The following CC2D2A variants were observed in gnomAD, a reference collection of about 807,000 sequenced individuals.
CC2D2A encodes coiled-coil and C2 domain containing 2A.
CC2D2A carries 155 observed loss-of-function variants against 212.9 expected under a neutral mutation model. The observed-to-expected ratio is 0.73, with a 90% CI of 0.64 to 0.83. The LOEUF is 0.83. CC2D2A is among the 40% of genes least tolerant of loss of function. The probability of loss-of-function intolerance (pLI) is 0.00; values close to 1 mark genes in which losing one functional copy is unlikely to be tolerated. For synonymous variants in CC2D2A, 667 were observed against 686.5 expected (o/e 0.97, Z 0.44); for missense variants, 1,856 against 1,956.2 (o/e 0.95, Z 0.97).
At position 15,540,874 on chromosome 4, in the gene CC2D2A, T is replaced by A. The variant is rs769428879; in HGVS notation, c.2041T>A (p.Ser681Thr). The A allele has an allele frequency of 1.9e-6, 3 of 1,599,474 alleles. No homozygotes were observed. The highest frequency in any genetic ancestry group is 1.7e-5 in the Admixed American group (1 of 58,138). ...GAGAAGGGAGGATGTAAAGAAGCGC[T>A]CAGTGTACTTAAAAGTGCTGTTCAA... ...VSRREDVKKRSVYLKVLFNNK... is the reference protein window; with the variant it reads ...VSRREDVKKRTVYLKVLFNNK... Residue 681 changes from serine (S) to threonine (T), a missense_variant, in exon 17 of 37, where the codon TCA (serine) becomes ACA (threonine). Ser to Thr is a moderately conservative substitution (Grantham distance 58, BLOSUM62 1). Around this residue, in one of 5 missense-constraint regions of CC2D2A, gnomAD observed 1,512 missense variants for 1,579.3 expected, o/e 0.96. Transcript: ENST00000424120.
chr4:15,595,482 TTA>T (rs767267153), intron 33 of CC2D2A, among the ~76,000 whole-genome samples: 9 of 152,098 alleles, frequency 5.9e-5, no homozygotes, highest in Non-Finnish European at 1.2e-4. Flanking sequence ...GAGGTACAGA[TTA>T]ATTAACTCAC....
chr4:15,538,224 G>A (rs1560171942), intron 16 of CC2D2A, 87 bp downstream of exon 16: 2 of 1,360,972 alleles, frequency 1.5e-6, no homozygotes, highest in South Asian at 3.2e-5. Flanking sequence ...CACGACATGG[G>A]GAGTGTACAC....
chr4:15,554,551 C>G (rs1719180928), intron 19 of CC2D2A, among the ~76,000 whole-genome samples: 1 of 152,216 alleles, frequency 6.6e-6, no homozygotes, highest in South Asian at 2.1e-4. Flanking sequence ...TGGCGCATGC[C>G]TGCAATCCCA....
rs1577379808 is a variant in CC2D2A at position 15,563,779 on chromosome 4, G to C, written c.3182+257G>C. ...TAGCTGAATTACAAGGGAGACTGCA[G>C]GGATAAGATAGTTCTCCTGAGGCCC... is the stretch of plus-strand genomic sequence containing the variant. On this transcript the variant is annotated intron_variant, in intron 24 of 36. Coordinates refer to ENST00000424120, the MANE Select transcript of CC2D2A (RefSeq NM_001378615.1). The C allele has an allele frequency of 9.3e-6, 4 of 428,850 alleles. No individual in the cohort carries two copies. In the East Asian group the frequency reaches 1.6e-4, roughly 17 times the overall value. The allele number at this position is 428,850 out of a possible 1,614,324, so 26.6% of individuals were successfully genotyped here.
chr4:15,586,089 T>A, intron 30 of CC2D2A, 68 bp from the exon 31 acceptor site: 10 of 1,027,998 alleles, frequency 9.7e-6, no homozygotes, highest in Non-Finnish European at 1.5e-5. Context: ...ATTTAAGAAA[T>A]GAGGTAGGGG....
chr4:15,528,938 G>T (rs957785969), intron 13 of CC2D2A, among the ~76,000 whole-genome samples: 5 of 152,218 alleles, frequency 3.3e-5, no homozygotes, highest in Admixed American at 6.5e-5. Context: ...GCAGGTGTAA[G>T]GGAAAAGTGC....
At chr4:15,510,417 G>A (rs757878056) in intron 7 of CC2D2A, among the ~76,000 whole-genome samples, 177 bp downstream of exon 7, 3 of 152,040 alleles carry the variant, frequency 2.0e-5, no homozygotes, top group Admixed American at 6.6e-5. Context: ...ACAACATGGC[G>A]AAACCCCATC....
intron 17 of CC2D2A, among the ~76,000 whole-genome samples, chr4:15,544,715 C>T (rs1238930597): frequency 1.3e-5 from 2 of 152,214 alleles, no homozygotes; most frequent in South Asian, 4.1e-4. Flanking sequence ...TCCCACAGCA[C>T]ACCAGTATTT....
Position 15,475,902 on chromosome 4 carries a change from T to C in CC2D2A, c.-18-13T>C. ...ATTTCAAAATGCCTGACTTCTTCAT[T>C]GTTCTTTGTCAGGGACCCATCCCAG... On this transcript the variant is annotated splice_polypyrimidine_tract_variant and intron_variant, in intron 1 of 36. Transcript: ENST00000424120. 6.4e-7 allele frequency: 1 copy of C among 1,566,930 alleles called. No homozygotes were observed. Among genetic ancestry groups the C allele is most frequent in the Non-Finnish European group, 8.7e-7 (1 of 1,152,724 alleles).
intron 20 of CC2D2A, among the ~76,000 whole-genome samples, chr4:15,556,009 T>A (rs1259271920): frequency 6.6e-6 from 1 of 152,244 alleles, no homozygotes; most frequent in Non-Finnish European, 1.5e-5. Context: ...TTTGTTTTCT[T>A]GTTGTTGATT....
chr4:15,560,738 C>A, intron 23 of CC2D2A, 116 bp downstream of exon 23: 1 of 551,050 alleles, frequency 1.8e-6, no homozygotes, highest in Admixed American at 3.7e-5. Flanking sequence ...TGCATTTGGG[C>A]CAGGAATAAT....
Position 15,596,337 on chromosome 4 carries a change from C to A in CC2D2A, c.4437+130C>A, listed in dbSNP as rs931714559. On this transcript the variant is annotated intron_variant, in intron 34 of 36. Coordinates refer to ENST00000424120, the MANE Select transcript of CC2D2A (RefSeq NM_001378615.1). Reference sequence around the variant, plus strand: ...GTTTATCAAACGCATCTGAGCTCAACTCACAACAAGAAACAGATATATACG... The same window carrying A: ...GTTTATCAAACGCATCTGAGCTCAAATCACAACAAGAAACAGATATATACG... The A allele has an allele frequency of 1.5e-4, 112 of 723,070 alleles. No homozygotes were observed. In the East Asian group the frequency reaches 3.4e-3, roughly 22 times the overall value. The allele number at this position is 723,070 out of a possible 1,614,324, so 44.8% of individuals were successfully genotyped here.
At chr4:15,557,246 GT>G in intron 20 of CC2D2A, 57 bp from the exon 21 acceptor site, 30 of 1,246,154 alleles carry the variant, frequency 2.4e-5, no homozygotes, top group Non-Finnish European at 3.4e-5. Flanking sequence ...TCAGTGCCAA[GT>G]TTCTTTGGAT....
intron 4 of CC2D2A, among the ~76,000 whole-genome samples, chr4:15,494,564 ATAAAAAT>A (rs1415985976): frequency 1.3e-5 from 2 of 152,236 alleles, no homozygotes; most frequent in Admixed American, 6.5e-5. Flanking sequence ...AGTCTATTTC[ATAAAAAT>A]TAGAAAATCA....
intron 29 of CC2D2A, among the ~76,000 whole-genome samples, chr4:15,579,359 C>T (rs1386485936): frequency 6.6e-6 from 1 of 151,886 alleles, no homozygotes; most frequent in African/African-American, 2.4e-5. Flanking sequence ...ATTGTTTGCT[C>T]ATCTTGGCTC....
At chr4:15,576,415 G>C in intron 29 of CC2D2A, 1 of 978,498 alleles carries the variant, frequency 1.0e-6, no homozygotes, top group Non-Finnish European at 1.2e-6. Flanking sequence ...ATGCCATATG[G>C]AACCATTCCA....
intron 4 of CC2D2A, among the ~76,000 whole-genome samples, chr4:15,488,295 T>C (rs1357093708): frequency 1.3e-5 from 2 of 152,202 alleles, no homozygotes; most frequent in African/African-American, 2.4e-5. Flanking sequence ...TCTTTATTTC[T>C]CCTTCATGTT....
chr4:15,572,298 G>A (rs1302634804), intron 28 of CC2D2A, among the ~76,000 whole-genome samples: 2 of 152,172 alleles, frequency 1.3e-5, no homozygotes, highest in Admixed American at 6.5e-5. Flanking sequence ...TACAATAGAG[G>A]TGGGATTCAA....
Position 15,567,634 on chromosome 4 carries a change from T to G in CC2D2A, c.3289-43T>G, listed in dbSNP as rs202020049. 7.6e-6 allele frequency: 11 copies of G among 1,447,862 alleles called. No individual in the cohort carries two copies. The African/African-American group carries it at 1.4e-4, about 19-fold the overall frequency. The allele number at this position is 1,447,862 out of a possible 1,614,324, so 89.7% of individuals were successfully genotyped here. A position where few individuals can be genotyped will look rare whatever the true frequency, so the allele number is the denominator to read the frequency against. On this transcript the variant is annotated intron_variant, in intron 25 of 36. Transcript: ENST00000424120. ...CTATTTTTGCTAAGAATAAAATAAT[T>G]TGACTAACCATTGGGAACTCAGAAT...
Sources: gnomAD v4.1 joint callset for allele counts (sites outside exome capture counted in the v4.1 genomes callset) on GRCh38, gnomAD v4.1.1 for gene constraint, gnomAD v4.1.1 regional missense constraint, MANE v1.5 for transcripts, NCBI Gene and HGNC (gene_info 2026-07-23, HGNC 2026-07-21) for gene names.